The following CELF2 variants were observed in gnomAD, a reference collection of about 807,000 sequenced individuals.
CELF2 encodes the protein CUG triplet repeat RNA-binding protein 2.
Under a neutral mutation model 62.6 loss-of-function variants are expected in CELF2, and 8 were observed. That is an observed-to-expected ratio of 0.13 (90% CI 0.07 to 0.23). CELF2 has a LOEUF of 0.23. CELF2 is among the 10% of genes least tolerant of loss of function. The probability of loss-of-function intolerance (pLI) is 1.00; values close to 1 mark genes in which losing one functional copy is unlikely to be tolerated. For synonymous variants in CELF2, 258 were observed against 250.0 expected, an observed-to-expected ratio of 1.03 and a Z score of -0.30; for missense variants, 333 against 671.0, an observed-to-expected ratio of 0.50 and a Z score of 5.56.
At chr10:10,625,581 T>C in the CELF2 span, among the ~76,000 whole-genome samples, 1 of 152,202 alleles carries the variant, frequency 6.6e-6, no homozygotes, top group African/African-American at 2.4e-5. Flanking sequence ...GTTTTCCCCA[T>C]AATGAAATAG....
intron 5 of CELF2, among the ~76,000 whole-genome samples, chr10:11,265,519 T>C (rs192190815): frequency 2.0e-5 from 3 of 152,378 alleles, no homozygotes; most frequent in Admixed American, 2.0e-4. Flanking sequence ...GCTAACCTTT[T>C]AGTGTGCTGT....
the CELF2 span, among the ~76,000 whole-genome samples, chr10:10,518,733 A>T: frequency 1.3e-5 from 2 of 151,988 alleles, no homozygotes; most frequent in African/African-American, 2.4e-5. Context: ...TTTTAAAAAA[A>T]AATGGCTTCA....
the CELF2 span, among the ~76,000 whole-genome samples, chr10:10,674,829 C>A: frequency 2.3e-3 from 346 of 150,624 alleles, no homozygotes; most frequent in Middle Eastern, 3.4e-3. Context: ...TGTGAGTGTG[C>A]CACTTGTGCC....
At chr10:10,472,048 A>C in the CELF2 span, among the ~76,000 whole-genome samples, 3 of 151,852 alleles carry the variant, frequency 2.0e-5, no homozygotes, top group African/African-American at 7.2e-5. Context: ...GGCTTTCAGC[A>C]GTTTAATTAC....
At chr10:10,514,210 T>C in the CELF2 span, among the ~76,000 whole-genome samples, 1 of 152,224 alleles carries the variant, frequency 6.6e-6, no homozygotes, top group Non-Finnish European at 1.5e-5. Flanking sequence ...TGAGAGATGG[T>C]ATAACTCAGT....
chr10:11,116,264 G>T (rs546122205), intron 1 of CELF2, among the ~76,000 whole-genome samples: 3 of 152,306 alleles, frequency 2.0e-5, no homozygotes, highest in Admixed American at 6.5e-5. Context: ...CTGCAGTGGA[G>T]CCTTTTCAGC....
At chr10:10,920,677 T>A (rs1458610392) in intron 2 of CELF2, among the ~76,000 whole-genome samples, 1 of 145,900 alleles carries the variant, frequency 6.9e-6, no homozygotes, top group East Asian at 2.0e-4. Context: ...CAGCATTTAA[T>A]GGAAGGGAGG....
At chr10:10,720,045 T>G in the CELF2 span, among the ~76,000 whole-genome samples, 631 of 152,312 alleles carry the variant, frequency 4.1e-3, 7 homozygotes, top group African/African-American at 0.014. Context: ...AACTTAGCCC[T>G]ATCTTGTGGA....
chr10:10,798,038 AT>A (rs989083485), upstream of CELF2, among the ~76,000 whole-genome samples: 40 of 152,256 alleles, frequency 2.6e-4, no homozygotes, highest in Middle Eastern at 3.4e-3. Context: ...GTTTAAAGAG[AT>A]TCTGCATTTC....
chr10:10,675,737 T>C, the CELF2 span, among the ~76,000 whole-genome samples: 2 of 152,160 alleles, frequency 1.3e-5, no homozygotes, highest in Admixed American at 6.5e-5. Context: ...CCACCTCAGG[T>C]CCTCCAATAA....
At chr10:11,058,659 G>A (rs1052493870) in intron 1 of CELF2, among the ~76,000 whole-genome samples, 1 of 151,680 alleles carries the variant, frequency 6.6e-6, no homozygotes, top group African/African-American at 2.4e-5. Context: ...TAAAAGAAGG[G>A]GTTTCACCGT....
At chr10:11,308,918 T>C (rs1423295116) in intron 9 of CELF2, among the ~76,000 whole-genome samples, 3 of 152,362 alleles carry the variant, frequency 2.0e-5, no homozygotes, top group South Asian at 2.1e-4. Context: ...TTTATGAATG[T>C]TGAAAGAAAT....
At chr10:10,643,948 C>G in the CELF2 span, among the ~76,000 whole-genome samples, 1 of 152,108 alleles carries the variant, frequency 6.6e-6, no homozygotes, top group Non-Finnish European at 1.5e-5. Flanking sequence ...CTGTTTCTCC[C>G]CTGTCTTCCA....
chr10:10,577,382 A>ATTATTATTATTATTT, the CELF2 span, among the ~76,000 whole-genome samples: 1 of 149,682 alleles, frequency 6.7e-6, no homozygotes, highest in Non-Finnish European at 1.5e-5. Context: ...TATTATTATT[A>ATTATTATTATTATTT]TTATTATTAT....
rs138339631 is a variant in CELF2 at position 10,921,965 on chromosome 10, A to G, written c.89+1966A>G. ...TAGAAATCAAGAGAATCTCAAGAAC[A>G]GGAGAAGCAGAGTGAGCCCAATGTT... is the stretch of plus-strand genomic sequence containing the variant. On this transcript the variant is annotated intron_variant, in intron 2 of 13. Coordinates refer to the CELF2 transcript ENST00000636488. Among the ~76,000 whole-genome samples the G allele has an allele frequency of 1.8e-4, 28 of 152,362 alleles. No homozygotes were observed. In the East Asian group the frequency reaches 5.2e-3, roughly 28 times the overall value.
At chr10:10,533,341 T>C in the CELF2 span, among the ~76,000 whole-genome samples, 14 of 152,328 alleles carry the variant, frequency 9.2e-5, no homozygotes, top group Non-Finnish European at 1.8e-4. Context: ...ATTCAGAGCA[T>C]ATACATTTTA....
intron 1 of CELF2, among the ~76,000 whole-genome samples, chr10:11,081,573 A>G (rs1377800460): frequency 6.6e-6 from 1 of 152,206 alleles, no homozygotes; most frequent in African/African-American, 2.4e-5. Context: ...AGAACTTGGA[A>G]GAGTTGAGAT....
At chr10:11,301,630 C>T (rs1175736723) in intron 9 of CELF2, among the ~76,000 whole-genome samples, 6 of 148,806 alleles carry the variant, frequency 4.0e-5, no homozygotes, top group Middle Eastern at 3.4e-3. Flanking sequence ...TGCAGAGTGG[C>T]GGCCTGGGAG....
intron 1 of CELF2, among the ~76,000 whole-genome samples, chr10:11,034,360 AT>A (rs11310337): frequency 0.37 from 55,484 of 150,934 alleles, 11,277 homozygotes; most frequent in East Asian, 0.77. Flanking sequence ...TTTAATTTTT[AT>A]TTTTTTTTGC....
Sources: gnomAD v4.1 joint callset for allele counts (sites outside exome capture counted in the v4.1 genomes callset) on GRCh38, gnomAD v4.1.1 for gene constraint, MANE v1.5 for transcripts, NCBI Gene and HGNC (gene_info 2026-07-23, HGNC 2026-07-21) for gene names.